The following MAGI1 variants were observed in gnomAD, a reference collection of about 807,000 sequenced individuals.
MAGI1 encodes membrane-associated guanylate kinase, WW and PDZ domain-containing protein 1.
In MAGI1, 58 loss-of-function variants were observed where a neutral mutation model predicts 139.9. That is an observed-to-expected ratio of 0.41 (90% confidence interval 0.34 to 0.52). The LOEUF is 0.52. MAGI1 is among the 20% of genes least tolerant of loss of function. The pLI is 0.12. For synonymous variants in MAGI1, 812 were observed against 737.9 expected (o/e 1.10, Z -1.63); for missense variants, 1,874 against 1,901.6 (o/e 0.99, Z 0.27).
intron 1 of MAGI1, among the ~76,000 whole-genome samples, chr3:65,668,199 C>T (rs1234834905): frequency 2.0e-5 from 3 of 152,176 alleles, no homozygotes; most frequent in Admixed American, 6.5e-5. Context: ...AATACCACTA[C>T]ACCAGAAGGG....
intron 1 of MAGI1, among the ~76,000 whole-genome samples, chr3:65,904,835 G>A (rs2061373872): frequency 6.6e-6 from 1 of 152,156 alleles, no homozygotes; most frequent in South Asian, 2.1e-4. Flanking sequence ...CCTGCCACAT[G>A]GGGAGGGTGA....
Position 65,781,603 on chromosome 3 carries a change from C to T in MAGI1, c.314-159515G>A, listed in dbSNP as rs144056090. Among the ~76,000 whole-genome samples, 305 of 152,222 alleles carry T rather than the reference C, an allele frequency of 2.0e-3. 3 individuals are homozygous for T. The highest frequency in any genetic ancestry group is 7.1e-3 in the African/African-American group (296 of 41,540). ...ATTATACAAATTATATAGCAACTGC[C>T]GCTTTTCAAAGACCAAAGATATAAT... On this transcript the variant is annotated intron_variant, in intron 1 of 22. Coordinates refer to ENST00000402939, the MANE Select transcript of MAGI1 (RefSeq NM_001033057.2).
At chr3:65,444,029 G>T (rs1315432132) in intron 7 of MAGI1, among the ~76,000 whole-genome samples, 1 of 152,092 alleles carries the variant, frequency 6.6e-6, no homozygotes, top group East Asian at 1.9e-4. Context: ...TTTATGTTTT[G>T]TTCAGATTTG....
intron 1 of MAGI1, among the ~76,000 whole-genome samples, chr3:65,665,121 G>A (rs1198229249): frequency 6.6e-6 from 1 of 152,134 alleles, no homozygotes; most frequent in South Asian, 2.1e-4. Context: ...TAAAGCAAGT[G>A]TTCACCCTTG....
intron 2 of MAGI1, among the ~76,000 whole-genome samples, chr3:65,524,763 C>T (rs2078311122): frequency 6.6e-6 from 1 of 152,134 alleles, no homozygotes; most frequent in African/African-American, 2.4e-5. Context: ...TCAGGCCATG[C>T]AGAATTCCTA....
At chr3:65,494,685 G>A (rs761971510) in intron 2 of MAGI1, among the ~76,000 whole-genome samples, 45 of 152,168 alleles carry the variant, frequency 3.0e-4, no homozygotes, top group African/African-American at 1.0e-3. Flanking sequence ...GGATCTCTTC[G>A]TTGAAATGTA....
intron 1 of MAGI1, among the ~76,000 whole-genome samples, chr3:65,745,483 C>T (rs1459627021): frequency 2.0e-5 from 3 of 152,220 alleles, no homozygotes; most frequent in Non-Finnish European, 4.4e-5. Context: ...CCTAACTTCG[C>T]AGGCAAGCAT....
intron 1 of MAGI1, among the ~76,000 whole-genome samples, chr3:65,979,415 C>A (rs2065451713): frequency 6.6e-6 from 1 of 152,106 alleles, no homozygotes; most frequent in Non-Finnish European, 1.5e-5. Flanking sequence ...GTGGTTTCAG[C>A]TATTCTTACT....
intron 1 of MAGI1, among the ~76,000 whole-genome samples, chr3:65,979,040 G>A (rs1208248495): frequency 1.4e-5 from 2 of 147,226 alleles, no homozygotes; most frequent in Admixed American, 1.4e-4. Flanking sequence ...TAAAATTCTG[G>A]AAAAAGAAGT....
intron 1 of MAGI1, among the ~76,000 whole-genome samples, chr3:65,987,054 T>A (rs566978124): frequency 4.0e-4 from 61 of 152,238 alleles, no homozygotes; most frequent in African/African-American, 1.4e-3. Flanking sequence ...ACATTTTTAG[T>A]AGAGACGGGG....
chr3:65,879,043 G>T (rs2060226704), intron 1 of MAGI1, among the ~76,000 whole-genome samples: 1 of 152,014 alleles, frequency 6.6e-6, no homozygotes, highest in South Asian at 2.1e-4. Context: ...CTTTAGAATG[G>T]CTTCCATACC....
At chr3:65,706,616 G>C (rs997705406) in intron 1 of MAGI1, among the ~76,000 whole-genome samples, 2 of 152,178 alleles carry the variant, frequency 1.3e-5, no homozygotes, top group South Asian at 2.1e-4. Context: ...GAATATCCTG[G>C]AGAGGAGTGA....
At chr3:65,367,885 C>G (rs764971910) in intron 18 of MAGI1, among the ~76,000 whole-genome samples, 1 of 152,120 alleles carries the variant, frequency 6.6e-6, no homozygotes, top group Admixed American at 6.6e-5. Flanking sequence ...CAAGCAGTAT[C>G]AGAGATGAAT....
chr3:65,978,620 TC>T (rs1368448576), intron 1 of MAGI1, among the ~76,000 whole-genome samples: 25 of 56,472 alleles, frequency 4.4e-4, no homozygotes, highest in African/African-American at 8.7e-4. Flanking sequence ...GCTCAAAATT[TC>T]TTTTTTTTTT....
At chr3:65,799,001 C>T (rs1298554490) in intron 1 of MAGI1, among the ~76,000 whole-genome samples, 1 of 152,058 alleles carries the variant, frequency 6.6e-6, no homozygotes, top group Non-Finnish European at 1.5e-5. Context: ...TTTATTTTAC[C>T]TAATGATGAC....
intron 2 of MAGI1, among the ~76,000 whole-genome samples, chr3:65,515,434 G>A (rs567123287): frequency 1.3e-5 from 2 of 152,148 alleles, no homozygotes; most frequent in South Asian, 4.2e-4. Flanking sequence ...AAAAAAAGTG[G>A]CTTTCTAAAT....
At chr3:65,783,543 G>A (rs1413166547) in intron 1 of MAGI1, among the ~76,000 whole-genome samples, 1 of 152,038 alleles carries the variant, frequency 6.6e-6, no homozygotes, top group Non-Finnish European at 1.5e-5. Flanking sequence ...ACCCAGGCTG[G>A]AGTGCAGTGG....
intron 13 of MAGI1, among the ~76,000 whole-genome samples, chr3:65,400,750 A>ATTTTTTTTTTTTTT (rs767598706): frequency 1.3e-4 from 8 of 60,598 alleles, no homozygotes; most frequent in South Asian, 5.4e-4. Context: ...CAAAACATTG[A>ATTTTTTTTTTTTTT]TTTTTTTTTT....
intron 1 of MAGI1, among the ~76,000 whole-genome samples, chr3:65,998,822 T>C (rs1464550842): frequency 6.6e-6 from 1 of 151,998 alleles, no homozygotes; most frequent in Non-Finnish European, 1.5e-5. Context: ...CTCATAAAAA[T>C]GAGGCTATGA....
Sources: gnomAD v4.1 joint callset for allele counts (sites outside exome capture counted in the v4.1 genomes callset) on GRCh38, gnomAD v4.1.1 for gene constraint, MANE v1.5 for transcripts, NCBI Gene and HGNC (gene_info 2026-07-23, HGNC 2026-07-21) for gene names.